COP1: variants seen among roughly 807,000 people sequenced by gnomAD.
COP1 encodes E3 ubiquitin-protein ligase COP1.
In COP1, 24 loss-of-function variants were observed where a neutral mutation model predicts 101.3. The ratio of observed to expected loss-of-function variants is 0.24; its 90% CI spans 0.17 to 0.33. COP1 has a LOEUF of 0.33. COP1 is among the 10% of genes least tolerant of loss of function. The pLI, the probability that COP1 is intolerant of heterozygous loss-of-function variation, is 1.00. For synonymous variants in COP1, 347 were observed against 341.9 expected (o/e 1.01, Z -0.17); for missense variants, 663 against 906.2 (o/e 0.73, Z 3.45).
chr1:176,055,372 T>C (rs1571956137), intron 11 of COP1, among the ~76,000 whole-genome samples: 1 of 151,916 alleles, frequency 6.6e-6, no homozygotes, highest in South Asian at 2.1e-4. Flanking sequence ...GAAGAGGAGG[T>C]TGCAGTAAGC....
intron 15 of COP1, among the ~76,000 whole-genome samples, chr1:176,016,030 CA>C (rs1344834346): frequency 6.6e-6 from 1 of 151,446 alleles, no homozygotes; most frequent in Non-Finnish European, 1.5e-5. Flanking sequence ...GGAAAATTAA[CA>C]AAAAAGAAGA....
In COP1 at chr1:176,046,257, C is replaced by T; in HGVS notation, c.1345G>A (p.Glu449Lys). 6.2e-7 allele frequency: 1 copy of T among 1,610,456 alleles called. No individual in the cohort carries two copies. The highest frequency in any genetic ancestry group is 8.5e-7 in the Non-Finnish European group (1 of 1,178,522). The change falls in exon 12 of 20, where the codon GAA becomes AAA. Residue 449 changes from glutamate (E) to lysine (K), a missense_variant. Around this residue, in one of 4 missense-constraint regions of COP1, gnomAD observed 209 missense variants for 383.3 expected, o/e 0.55. Coordinates refer to ENST00000367669, the MANE Select transcript of COP1 (RefSeq NM_022457.7). Reference sequence around the variant, plus strand: ...GCATCCTGGATGACAGTGTCATATTCATAGACTTTAATCTTCTTTGTAACT... The same window carrying T: ...GCATCCTGGATGACAGTGTCATATTTATAGACTTTAATCTTCTTTGTAACT... Reference protein sequence around the residue: ...AGVTKKIKVYEYDTVIQDAVD... With the variant: ...AGVTKKIKVYKYDTVIQDAVD...
intron 14 of COP1, among the ~76,000 whole-genome samples, chr1:176,035,606 T>A (rs2149120906): frequency 6.9e-6 from 1 of 144,708 alleles, no homozygotes; most frequent in South Asian, 2.3e-4. Flanking sequence ...AACAATAGTT[T>A]CAAAATATAT....
chr1:176,206,334 G>C (rs887424358), intron 1 of COP1: 6 of 530,218 alleles, frequency 1.1e-5, no homozygotes, highest in Non-Finnish European at 1.7e-5. Flanking sequence ...TTCCTCCTCA[G>C]CAACACTTAC....
intron 6 of COP1, among the ~76,000 whole-genome samples, chr1:176,142,197 G>A (rs1690803355): frequency 6.6e-6 from 1 of 151,882 alleles, no homozygotes; most frequent in African/African-American, 2.4e-5. Context: ...ATGTAACAGA[G>A]AGAGCAACCA....
rs537782517 is a variant in COP1, at chr1:176,087,525, C to G, written c.1027-1635G>C. On this transcript the variant is annotated intron_variant, in intron 9 of 19. Transcript: ENST00000367669. ...AAAAGTGATCATCATCATTGGCCATCAGAGAAATGCAAATCAAAACCACAA... is the reference window on the plus strand; with the variant it reads ...AAAAGTGATCATCATCATTGGCCATGAGAGAAATGCAAATCAAAACCACAA... Among the ~76,000 whole-genome samples, 32 of 152,262 alleles carry G rather than the reference C, an allele frequency of 2.1e-4. 1 individual carries two copies. The South Asian group carries it at 4.8e-3, about 23-fold the overall frequency.
intron 18 of COP1, among the ~76,000 whole-genome samples, chr1:175,955,630 A>G (rs1571239658): frequency 6.6e-6 from 1 of 152,224 alleles, no homozygotes; most frequent in East Asian, 1.9e-4. Context: ...AATTGTCTTC[A>G]GCAAGATTGT....
At chr1:176,107,848 T>C (rs563883896) in intron 9 of COP1, among the ~76,000 whole-genome samples, 18 of 152,194 alleles carry the variant, frequency 1.2e-4, no homozygotes, top group African/African-American at 3.4e-4. Context: ...CTGACGAAAA[T>C]AGATAATCTG....
At chr1:175,947,350 G>T in intron 18 of COP1, 111 bp from the exon 19 acceptor site, 2 of 736,304 alleles carry the variant, frequency 2.7e-6, no homozygotes. Context: ...TAAGACAATT[G>T]AATCTAATAT....
intron 15 of COP1, among the ~76,000 whole-genome samples, chr1:175,998,482 A>T (rs1310021850): frequency 6.7e-6 from 1 of 149,724 alleles, no homozygotes; most frequent in Non-Finnish European, 1.5e-5. Flanking sequence ...TTAAAAAAAG[A>T]GAAAAAAAAG....
intron 1 of COP1, among the ~76,000 whole-genome samples, chr1:176,204,331 A>G (rs1246372290): frequency 6.6e-6 from 1 of 152,240 alleles, no homozygotes; most frequent in Non-Finnish European, 1.5e-5. Flanking sequence ...CCCATAAATG[A>G]ATAAGAAATT....
intron 9 of COP1, among the ~76,000 whole-genome samples, chr1:176,113,646 C>T (rs1418370542): frequency 1.3e-5 from 2 of 152,050 alleles, no homozygotes; most frequent in Non-Finnish European, 2.9e-5. Flanking sequence ...ATTAAAAAAA[C>T]ACCTGTAGTT....
chr1:176,005,069 G>GT (rs1469059988), intron 15 of COP1, among the ~76,000 whole-genome samples: 3 of 152,096 alleles, frequency 2.0e-5, no homozygotes, highest in African/African-American at 7.2e-5. Flanking sequence ...TTTCTTCCTG[G>GT]TTTAGTCTTG....
chr1:176,092,763 A>T (rs1681560320), intron 9 of COP1, among the ~76,000 whole-genome samples: 1 of 152,214 alleles, frequency 6.6e-6, no homozygotes, highest in Non-Finnish European at 1.5e-5. Context: ...GGAGTTTTAA[A>T]TTGATAAAAG....
intron 2 of COP1, among the ~76,000 whole-genome samples, chr1:176,176,685 A>T (rs1223812699): frequency 6.6e-6 from 1 of 152,050 alleles, no homozygotes; most frequent in Non-Finnish European, 1.5e-5. Flanking sequence ...CAGGCATGAT[A>T]GCATATGCAG....
chr1:176,099,509 CT>C (rs1312051102), intron 9 of COP1, among the ~76,000 whole-genome samples: 13 of 8,432 alleles, frequency 1.5e-3, no homozygotes, highest in Non-Finnish European at 0.011. Context: ...ATATTTGTCT[CT>C]CTCTCTCTCT....
chr1:176,017,784 C>CA (rs1194875738), intron 15 of COP1, among the ~76,000 whole-genome samples: 5 of 152,196 alleles, frequency 3.3e-5, no homozygotes, highest in Non-Finnish European at 5.9e-5. Flanking sequence ...CTCGGCCTCC[C>CA]AAAGTGCTGG....
chr1:176,126,218 C>G (rs1469298732), intron 8 of COP1, among the ~76,000 whole-genome samples: 1 of 152,110 alleles, frequency 6.6e-6, no homozygotes, highest in Non-Finnish European at 1.5e-5. Flanking sequence ...ATTTCTTTCT[C>G]TTGTCTGACT....
chr1:176,032,660 C>T (rs763113313), intron 14 of COP1, among the ~76,000 whole-genome samples: 1 of 152,012 alleles, frequency 6.6e-6, no homozygotes, highest in African/African-American at 2.4e-5. Context: ...CTTGTGACAA[C>T]GCAGATGTTT....
Sources: allele counts gnomAD v4.1 joint callset (sites outside exome capture counted in the v4.1 genomes callset), GRCh38; gene constraint gnomAD v4.1.1; regional missense constraint gnomAD v4.1.1; transcripts MANE v1.5; gene names NCBI Gene and HGNC (gene_info 2026-07-23, HGNC 2026-07-21).